Variants in SELENOH observed in about 807,000 individuals in gnomAD.
SELENOH encodes selenoprotein H, also known as chromosome 11 open reading frame 31.
Under a neutral mutation model 11.9 loss-of-function variants are expected in SELENOH, and 13 were observed. That is an observed-to-expected ratio of 1.09 (90% CI 0.71 to 1.74). SELENOH has a LOEUF of 1.74. Among genes scored for constraint, SELENOH ranks in the 40% most tolerant of loss-of-function variants. The probability of loss-of-function intolerance (pLI) is 0.00; values close to 1 mark genes in which losing one functional copy is unlikely to be tolerated. For missense variants in SELENOH, 223 were observed against 170.3 expected (o/e 1.31, Z -1.72); for synonymous variants, 96 against 73.5 (o/e 1.31, Z -1.56).
chr11:57,741,532 A>G lies in SELENOH; in HGVS notation c.-64A>G. 8.2e-7 allele frequency: 1 copy of G among 1,225,044 alleles called. No individual in the cohort carries two copies. Among genetic ancestry groups the G allele is most frequent in the Non-Finnish European group, 1.0e-6 (1 of 974,580 alleles). 75.9% of individuals were successfully genotyped at this position (1,225,044 alleles called of 1,614,324 possible). A position where few individuals can be genotyped will look rare whatever the true frequency, so the allele number is the denominator to read the frequency against. ...GCTCTTCGTTGCCCAGTTTCCGCTC[A>G]GTGGTCGCGTCTCCGCCCCCCACCC... On this transcript the variant is annotated 5_prime_UTR_variant, in exon 1 of 4. Coordinates refer to ENST00000534355, the MANE Select transcript of SELENOH (RefSeq NM_170746.4).
In SELENOH at chr11:57,741,582, G is replaced by T; in HGVS notation, c.-14G>T. On this transcript the variant is annotated 5_prime_UTR_variant, in exon 1 of 4. Coordinates refer to ENST00000534355, the MANE Select transcript of SELENOH (RefSeq NM_170746.4). ...CACCAGTCCCGCTGCATTCTCGGCC[G>T]GGCTCTAGGCGCCATGGCTCCCCGC... 7.9e-7 allele frequency: 1 copy of T among 1,260,430 alleles called. No homozygotes were observed. The highest frequency in any genetic ancestry group is 3.8e-5 in the South Asian group (1 of 26,056). 78.1% of individuals were successfully genotyped at this position (1,260,430 alleles called of 1,614,324 possible).
At chr11:57,742,071 C>T (rs762154867) in intron 2 of SELENOH, 46 bp from the exon 3 acceptor site, 5 of 1,590,896 alleles carry the variant, frequency 3.1e-6, no homozygotes, top group Non-Finnish European at 2.6e-6. Flanking sequence ...GAGACGTGCT[C>T]GTGGGTTCCG....
In SELENOH at chr11:57,742,099, T is replaced by C; in HGVS notation, c.269-18T>C. ...GGGTTCCGAAGTATTGTAACTTCGC[T>C]TCATTCTGGCCTTTCAGGTGCGGAG... On this transcript the variant is annotated intron_variant, in intron 2 of 3. Transcript: ENST00000534355. 1 of 1,605,692 alleles carries C rather than the reference T, an allele frequency of 6.2e-7. No homozygotes were observed. Among genetic ancestry groups the C allele is most frequent in the South Asian group, 1.1e-5 (1 of 89,592 alleles).
rs1949095831 is a variant in SELENOH at position 57,742,013 on chromosome 11, A to T, written c.268+59A>T. The T allele has an allele frequency of 1.9e-6, 3 of 1,580,796 alleles. No individual in the cohort carries two copies. The East Asian group carries it at 6.8e-5, about 36-fold the overall frequency. On this transcript the variant is annotated intron_variant, in intron 2 of 3. Coordinates refer to ENST00000534355, the MANE Select transcript of SELENOH (RefSeq NM_170746.4). ...GTGGGTGAAAGGGACGTGGGTTCCG[A>T]AGACAGGAAGCGCTATTCTTAGAAA...
intron 3 of SELENOH, 62 bp from the exon 4 acceptor site, chr11:57,742,801 C>T (rs1949122790): frequency 6.5e-6 from 1 of 154,038 alleles, no homozygotes; most frequent in African/African-American, 2.4e-5. Flanking sequence ...AACATGTCTT[C>T]CTCAGTCCTT....
chr11:57,741,502 G>C lies in SELENOH; in HGVS notation c.-94G>C. On this transcript the variant is annotated 5_prime_UTR_variant, in exon 1 of 4. Coordinates refer to ENST00000534355, the MANE Select transcript of SELENOH (RefSeq NM_170746.4). ...TCCGCTGTAGGAGCAGAGCTTCCGG[G>C]CTGCGCTCTTCGTTGCCCAGTTTCC... 9.9e-7 allele frequency: 1 copy of C among 1,013,546 alleles called. No individual in the cohort carries two copies. Among genetic ancestry groups the C allele is most frequent in the East Asian group, 3.3e-5 (1 of 29,900 alleles). 62.8% of individuals were successfully genotyped at this position (1,013,546 alleles called of 1,614,324 possible).
chr11:57,741,687 T>C lies in SELENOH; in HGVS notation c.92T>C (p.Met31Thr), dbSNP rs755683111. The change falls in exon 1 of 4, where the codon ATG becomes ACG. Residue 31 changes from methionine to threonine, a missense_variant. Met to Thr is a moderately conservative substitution (Grantham distance 81). Coordinates refer to ENST00000534355, the MANE Select transcript of SELENOH (RefSeq NM_170746.4). ...AAGCTGGCGAACGGCGGGGAGGGAA[T>C]GGAGGAGGCGACCGTTGTTATCGAG... Reference protein sequence around the residue: ...REKLANGGEGMEEATVVIEHC... With the variant: ...REKLANGGEGTEEATVVIEHC... The C allele has an allele frequency of 6.6e-6, 10 of 1,513,164 alleles. No homozygotes were observed. The highest frequency in any genetic ancestry group is 8.8e-6 in the Non-Finnish European group (10 of 1,133,096). The allele number at this position is 1,513,164 out of a possible 1,614,324, so 93.7% of individuals were successfully genotyped here.
chr11:57,741,510 C>G lies in SELENOH; in HGVS notation c.-86C>G. The G allele has an allele frequency of 1.3e-5, 14 of 1,094,564 alleles. No individual in the cohort carries two copies. The highest frequency in any genetic ancestry group is 1.6e-5 in the Non-Finnish European group (14 of 859,172). 67.8% of individuals were successfully genotyped at this position (1,094,564 alleles called of 1,614,324 possible). A position where few individuals can be genotyped will look rare whatever the true frequency, so the allele number is the denominator to read the frequency against. The stretch of plus-strand genomic sequence containing the variant: ...AGGAGCAGAGCTTCCGGGCTGCGCT[C>G]TTCGTTGCCCAGTTTCCGCTCAGTG... On this transcript the variant is annotated 5_prime_UTR_variant, in exon 1 of 4. Transcript: ENST00000534355.
rs1204464044 is a variant in SELENOH, at chr11:57,742,108, G to A, written c.269-9G>A. ...AGTATTGTAACTTCGCTTCATTCTG[G>A]CCTTTCAGGTGCGGAGCTCTGGACT... is the stretch of plus-strand genomic sequence containing the variant. On this transcript the variant is annotated splice_polypyrimidine_tract_variant and intron_variant, in intron 2 of 3. Transcript: ENST00000534355. 1 of 1,608,288 alleles carries A rather than the reference G, an allele frequency of 6.2e-7. No individual in the cohort carries two copies. The highest frequency in any genetic ancestry group is 1.1e-5 in the South Asian group (1 of 89,918).
Position 57,743,151 on chromosome 11 carries a change from A to G in SELENOH, c.*319A>G, listed in dbSNP as rs149289169. On this transcript the variant is annotated 3_prime_UTR_variant, in exon 4 of 4. Coordinates refer to ENST00000534355, the MANE Select transcript of SELENOH (RefSeq NM_170746.4). ...GATAGCCATGTGACCTGGAACTTTT[A>G]AAAAAAAATTTTTTTTTAAGAGCCA... 6.6e-6 allele frequency: 1 copy of G among 152,002 alleles called. No homozygotes were observed. The highest frequency in any genetic ancestry group is 6.6e-5 in the Admixed American group (1 of 15,218). 9.4% of individuals were successfully genotyped at this position (152,002 alleles called of 1,614,324 possible).
rs201621399 is a variant in SELENOH, at chr11:57,742,127, C to T, written c.279C>T (p.Leu93=). Residue 93 remains leucine, a synonymous_variant, in exon 3 of 4, where the codon CTC becomes CTT. Transcript: ENST00000534355. ...ATTCTGGCCTTTCAGGTGCGGAGCT[C>T]TGGACTGGGATTAAGAAGGGGCCCC... is the stretch of plus-strand genomic sequence containing the variant. The part of the protein sequence containing the change: ...LLRPDGSSAE[L]WTGIKKGPPR... 4.7e-3 allele frequency: 7,557 copies of T among 1,611,254 alleles called. 20 individuals are homozygous for T. Among genetic ancestry groups the T allele is most frequent in the Non-Finnish European group, 5.4e-3 (6,348 of 1,178,772 alleles).
Position 57,741,797 on chromosome 11 carries a change from G to T in SELENOH, c.123-12G>T, listed in dbSNP as rs1217769162. 1 of 1,604,208 alleles carries T rather than the reference G, an allele frequency of 6.2e-7. No homozygotes were observed. Among genetic ancestry groups the T allele is most frequent in the African/African-American group, 1.3e-5 (1 of 74,736 alleles). On this transcript the variant is annotated splice_polypyrimidine_tract_variant and intron_variant, in intron 1 of 3. Transcript: ENST00000534355. ...AGGGGCCCCGGTTTCTAACCTCTCC[G>T]TCTCTCCCTAGCACTAGCTGACGCG... is the stretch of plus-strand genomic sequence containing the variant.
chr11:57,742,711 CT>C lies in SELENOH; in HGVS notation c.*31-151del, dbSNP rs111835331. 8.9e-3 allele frequency: 1,430 copies of C among 160,038 alleles called. 31 individuals are homozygous for C. Among genetic ancestry groups the C allele is most frequent in the African/African-American group, 0.032 (1,352 of 41,644 alleles). 9.9% of individuals were successfully genotyped at this position (160,038 alleles called of 1,614,324 possible). The stretch of plus-strand genomic sequence containing the variant: ...TCATACAGTGCTTTGGCATGTTGTT[CT>C]GCACTTATTATGTTGAGTGAGATTT... On this transcript the variant is annotated intron_variant, in intron 3 of 3. Coordinates refer to ENST00000534355, the MANE Select transcript of SELENOH (RefSeq NM_170746.4).
chr11:57,742,343 A>C, intron 3 of SELENOH, 96 bp downstream of exon 3: 4 of 868,340 alleles, frequency 4.6e-6, no homozygotes, highest in Non-Finnish European at 5.4e-6. Flanking sequence ...TGGGTAGCTC[A>C]CGCCTGCAAT....
intron 2 of SELENOH, 74 bp from the exon 3 acceptor site, chr11:57,742,043 G>T: frequency 1.3e-6 from 2 of 1,583,682 alleles, no homozygotes; most frequent in Non-Finnish European, 1.7e-6. Flanking sequence ...TAGAAACCAC[G>T]GCAGTCTCAT....
At chr11:57,741,978 GGAGAGGGACGTGGGT>G (rs768953402) in intron 2 of SELENOH, 24 bp downstream of exon 2, 16 of 1,581,804 alleles carry the variant, frequency 1.0e-5, no homozygotes, top group Admixed American at 3.7e-5. Flanking sequence ...TGGATGTGGG[GGAGAGGGACGTGGGT>G]GAAAGGGACG....
chr11:57,741,836 C>A lies in SELENOH; in HGVS notation c.150C>A (p.Asn50Lys). The change falls in exon 2 of 4, where the codon AAC becomes AAA. Residue 50 changes from asparagine to lysine, a missense_variant. Transcript: ENST00000534355. ...CTAGCTGACGCGTCTATGGGCGCAACGCCGCGGCCCTGAGCCAGGCGCTGC... is the reference window on the plus strand; with the variant it reads ...CTAGCTGACGCGTCTATGGGCGCAAAGCCGCGGCCCTGAGCCAGGCGCTGC... The part of the protein sequence containing the change: ...HCTSURVYGR[N>K]AAALSQALRL... 1 of 1,606,082 alleles carries A rather than the reference C, an allele frequency of 6.2e-7. No homozygotes were observed. The highest frequency in any genetic ancestry group is 1.1e-5 in the South Asian group (1 of 89,870).
chr11:57,741,738 C>G (rs766674032), intron 1 of SELENOH, 21 bp downstream of exon 1: 9 of 1,595,300 alleles, frequency 5.6e-6, no homozygotes, highest in African/African-American at 1.3e-5. Context: ...TGGAGAGTAA[C>G]GGGAGAGAGG....
chr11:57,742,129 G>C lies in SELENOH; in HGVS notation c.281G>C (p.Trp94Ser). ...TCTGGCCTTTCAGGTGCGGAGCTCTGGACTGGGATTAAGAAGGGGCCCCCA... is the reference window on the plus strand; with the variant it reads ...TCTGGCCTTTCAGGTGCGGAGCTCTCGACTGGGATTAAGAAGGGGCCCCCA... ...LRPDGSSAELWTGIKKGPPRK... is the reference protein window; with the variant it reads ...LRPDGSSAELSTGIKKGPPRK... The change falls in exon 3 of 4, where the codon TGG becomes TCG. Residue 94 changes from tryptophan (W) to serine (S), a missense_variant. By Grantham distance (177) the Trp-to-Ser change is radical (BLOSUM62 -3). Transcript: ENST00000534355. The C allele has an allele frequency of 6.2e-7, 1 of 1,611,508 alleles. No homozygotes were observed. The highest frequency in any genetic ancestry group is 8.5e-7 in the Non-Finnish European group (1 of 1,178,880).
Sources: gnomAD v4.1 joint callset for allele counts on GRCh38, gnomAD v4.1.1 for gene constraint, MANE v1.5 for transcripts, NCBI Gene and HGNC (gene_info 2026-07-23, HGNC 2026-07-21) for gene names.